The following NDUFAF2 variants were observed in gnomAD, a reference collection of about 807,000 sequenced individuals.
NDUFAF2 encodes NADH dehydrogenase [ubiquinone] 1 alpha subcomplex assembly factor 2.
Under a neutral mutation model 22.8 loss-of-function variants are expected in NDUFAF2, and 13 were observed. The observed-to-expected ratio is 0.57, with a 90% CI of 0.37 to 0.91. The LOEUF is 0.91. Ranked by LOEUF, NDUFAF2 falls within the 40% of genes least tolerant of loss-of-function variation. The pLI, the probability that NDUFAF2 is intolerant of heterozygous loss-of-function variation, is 0.01. For missense variants in NDUFAF2, 162 were observed against 195.2 expected, an observed-to-expected ratio of 0.83 and a Z score of 1.01; for synonymous variants, 53 against 64.2, an observed-to-expected ratio of 0.83 and a Z score of 0.84.
intron 3 of NDUFAF2, among the ~76,000 whole-genome samples, chr5:61,125,086 A>T (rs547424063): frequency 6.6e-6 from 1 of 152,120 alleles, no homozygotes; most frequent in East Asian, 1.9e-4. Flanking sequence ...CTCCTACCAG[A>T]TCCCTCCCCT....
intron 3 of NDUFAF2, among the ~76,000 whole-genome samples, chr5:61,131,979 C>T (rs1476919692): frequency 6.6e-6 from 1 of 152,038 alleles, no homozygotes; most frequent in East Asian, 1.9e-4. Context: ...AAAGAACATT[C>T]TGAAGGAGCT....
chr5:60,957,724 A>G (rs1750635790), intron 1 of NDUFAF2, among the ~76,000 whole-genome samples: 1 of 152,182 alleles, frequency 6.6e-6, no homozygotes, highest in Admixed American at 6.5e-5. Context: ...TATTCAATAC[A>G]GAGTTCCTTC....
Position 61,019,123 on chromosome 5 carries a change from C to T in NDUFAF2, c.128-54002C>T, listed in dbSNP as rs79187441. 7.5e-3 allele frequency among the ~76,000 whole-genome samples: 1,146 copies of T among 152,042 alleles called. 14 individuals are homozygous for T. The highest frequency in any genetic ancestry group is 0.026 in the African/African-American group (1,065 of 41,504). On this transcript the variant is annotated intron_variant, in intron 1 of 3. Transcript: ENST00000296597. Reference sequence around the variant, plus strand: ...GAGGTAGAAATGATGATTATCAAAACGTTACCTTTCATTTATAGGGATTAA... The same window carrying T: ...GAGGTAGAAATGATGATTATCAAAATGTTACCTTTCATTTATAGGGATTAA...
chr5:61,075,583 C>G (rs563880610), intron 2 of NDUFAF2, among the ~76,000 whole-genome samples: 27 of 151,980 alleles, frequency 1.8e-4, no homozygotes, highest in African/African-American at 6.3e-4. Context: ...TAAATGAGTA[C>G]GTAATGACTC....
At chr5:61,081,558 G>C (rs1472226498) in intron 2 of NDUFAF2, among the ~76,000 whole-genome samples, 2 of 152,060 alleles carry the variant, frequency 1.3e-5, no homozygotes, top group African/African-American at 2.4e-5. Context: ...ACGTCACCTT[G>C]GGCATAGATT....
chr5:61,030,409 C>G (rs996760689), intron 1 of NDUFAF2, among the ~76,000 whole-genome samples: 1 of 152,120 alleles, frequency 6.6e-6, no homozygotes, highest in East Asian at 1.9e-4. Context: ...TTTCTCATTC[C>G]CCAGTTTATT....
At chr5:61,042,119 G>A (rs1267650921) in intron 1 of NDUFAF2, among the ~76,000 whole-genome samples, 1 of 152,114 alleles carries the variant, frequency 6.6e-6, no homozygotes, top group African/African-American at 2.4e-5. Context: ...ACCTAAATTA[G>A]CACAGTAACT....
At chr5:61,108,146 T>A (rs1752792023) in intron 3 of NDUFAF2, among the ~76,000 whole-genome samples, 1 of 148,970 alleles carries the variant, frequency 6.7e-6, no homozygotes, top group East Asian at 1.9e-4. Flanking sequence ...TTGTGAATAG[T>A]GCTGCAATAA....
At chr5:61,049,352 G>A (rs1751994177) in intron 1 of NDUFAF2, among the ~76,000 whole-genome samples, 1 of 151,986 alleles carries the variant, frequency 6.6e-6, no homozygotes, top group South Asian at 2.1e-4. Flanking sequence ...AGCCGTATAA[G>A]GAATAAGACA....
intron 3 of NDUFAF2, among the ~76,000 whole-genome samples, chr5:61,131,199 C>CTTT: frequency 7.1e-6 from 1 of 141,662 alleles, no homozygotes; most frequent in Admixed American, 7.1e-5. Flanking sequence ...ACTTTTTTTT[C>CTTT]TTTTTTTTTT....
chr5:61,011,198 T>C (rs1751438259), intron 1 of NDUFAF2, among the ~76,000 whole-genome samples: 1 of 152,186 alleles, frequency 6.6e-6, no homozygotes, highest in Non-Finnish European at 1.5e-5. Context: ...TTCCTGTGTT[T>C]TCGTAATTCT....
At chr5:61,007,781 A>G (rs1184788589) in intron 1 of NDUFAF2, among the ~76,000 whole-genome samples, 1 of 152,170 alleles carries the variant, frequency 6.6e-6, no homozygotes, top group Non-Finnish European at 1.5e-5. Flanking sequence ...ATACCATTTG[A>G]CCCAGTCATC....
chr5:61,131,199 C>CTT (rs78833819), intron 3 of NDUFAF2, among the ~76,000 whole-genome samples: 163 of 141,638 alleles, frequency 1.2e-3, no homozygotes, highest in African/African-American at 3.7e-3. Context: ...ACTTTTTTTT[C>CTT]TTTTTTTTTT....
At chr5:60,976,828 G>A (rs1232887884) in intron 1 of NDUFAF2, among the ~76,000 whole-genome samples, 1 of 152,090 alleles carries the variant, frequency 6.6e-6, no homozygotes, top group East Asian at 1.9e-4. Context: ...CTATGCCTAT[G>A]TGGTATTTAG....
chr5:60,990,004 C>T (rs988941675), intron 1 of NDUFAF2, among the ~76,000 whole-genome samples: 6 of 152,216 alleles, frequency 3.9e-5, no homozygotes, highest in South Asian at 2.1e-4. Flanking sequence ...TTTGCAACAA[C>T]GTAGATGGAA....
At chr5:61,046,884 A>C (rs1209421874) in intron 1 of NDUFAF2, among the ~76,000 whole-genome samples, 1 of 152,184 alleles carries the variant, frequency 6.6e-6, no homozygotes, top group Non-Finnish European at 1.5e-5. Flanking sequence ...GAAAGTTAAT[A>C]GTGTTGCCCA....
At chr5:61,129,789 A>T (rs962729973) in intron 3 of NDUFAF2, among the ~76,000 whole-genome samples, 9 of 152,126 alleles carry the variant, frequency 5.9e-5, no homozygotes, top group African/African-American at 2.2e-4. Flanking sequence ...CTTAAAGTAT[A>T]ATAAAAAAGG....
intron 1 of NDUFAF2, among the ~76,000 whole-genome samples, chr5:60,951,069 G>A (rs1472508516): frequency 2.0e-5 from 3 of 151,322 alleles, no homozygotes; most frequent in African/African-American, 4.9e-5. Context: ...TCACTCTGTC[G>A]CCCAGGCTGG....
intron 1 of NDUFAF2, among the ~76,000 whole-genome samples, chr5:61,010,305 A>G (rs1338017839): frequency 6.6e-6 from 1 of 152,076 alleles, no homozygotes; most frequent in Non-Finnish European, 1.5e-5. Context: ...CATTATTACA[A>G]GGTGTCTGGT....
Sources: allele counts gnomAD v4.1 joint callset (sites outside exome capture counted in the v4.1 genomes callset), GRCh38; gene constraint gnomAD v4.1.1; transcripts MANE v1.5; gene names NCBI Gene and HGNC (gene_info 2026-07-23, HGNC 2026-07-21).